The following INTS5 variants were observed in gnomAD, a reference collection of about 807,000 sequenced individuals.
The protein encoded by INTS5 is KIAA1698.
In INTS5, 29 loss-of-function variants were observed where a neutral mutation model predicts 60.0. The ratio of observed to expected loss-of-function variants is 0.48; its 90% CI spans 0.36 to 0.66. The LOEUF (loss-of-function observed/expected upper bound fraction) is 0.66, where lower values mean the gene tolerates loss of function less well. INTS5 is among the 30% of genes least tolerant of loss of function. The pLI is 0.00. For synonymous variants in INTS5, 588 were observed against 558.8 expected (o/e 1.05, Z -0.74); for missense variants, 1,129 against 1,307.9 (o/e 0.86, Z 2.11).
At chr11:62,651,675 T>C (rs374744532) in intron 1 of INTS5, among the ~76,000 whole-genome samples, 4 of 150,920 alleles carry the variant, frequency 2.7e-5, no homozygotes, top group East Asian at 2.0e-4. Flanking sequence ...CTGAGGAACA[T>C]AGTGAAACCC....
In INTS5 at chr11:62,648,608, A is replaced by G; in HGVS notation, c.1472T>C (p.Leu491Ser). The change falls in exon 2 of 2, where the codon TTG becomes TCG. Residue 491 changes from leucine (L) to serine (S), a missense_variant. Physicochemically the swap from Leu to Ser is moderately radical, Grantham distance 145 (BLOSUM62 -2). This residue lies in a region of INTS5 where 1,070 missense variants were observed against 1,246.1 expected (regional missense o/e 0.86). Coordinates refer to ENST00000330574, the MANE Select transcript of INTS5 (RefSeq NM_030628.2). The surrounding 1 kb of genome is among the most constrained non-coding windows in gnomAD (Gnocchi z 4.4). ...CTGCCAGAGGAAGCGCTTCCGTTCCAATCGTAACGTCTCTCCACACAGCTC... is the reference window on the plus strand; with the variant it reads ...CTGCCAGAGGAAGCGCTTCCGTTCCGATCGTAACGTCTCTCCACACAGCTC... ...VGELCGETLRLERKRFLWQHQ... is the reference protein window; with the variant it reads ...VGELCGETLRSERKRFLWQHQ... 6.2e-7 allele frequency: 1 copy of G among 1,614,092 alleles called. No individual in the cohort carries two copies. Among genetic ancestry groups the G allele is most frequent in the Non-Finnish European group, 8.5e-7 (1 of 1,180,002 alleles).
In INTS5 at chr11:62,647,066, C is replaced by T. The variant is rs1342714541; in HGVS notation, c.3014G>A (p.Arg1005His). The T allele has an allele frequency of 1.2e-6, 2 of 1,613,548 alleles. No homozygotes were observed. Among genetic ancestry groups the T allele is most frequent in the Non-Finnish European group, 1.7e-6 (2 of 1,179,704 alleles). Residue 1005 changes from arginine (R) to histidine (H), a missense_variant, in exon 2 of 2, where the codon CGT (arginine) becomes CAT (histidine). Coordinates refer to ENST00000330574, the MANE Select transcript of INTS5 (RefSeq NM_030628.2). ...AGTGGACGGTGAAGGTGCCTGGAAACGGCCAGAGAAAAGACCTAGGCGGTC... is the reference window on the plus strand; with the variant it reads ...AGTGGACGGTGAAGGTGCCTGGAAATGGCCAGAGAAAAGACCTAGGCGGTC... ...NIDRLGLFSG[R>H]FQAPSPSTLL...
At position 62,648,817 on chromosome 11, in the gene INTS5, G is replaced by A. The variant is rs774590977; in HGVS notation, c.1263C>T (p.Thr421=). The A allele has an allele frequency of 5.6e-6, 9 of 1,614,020 alleles. No homozygotes were observed. Among genetic ancestry groups the A allele is most frequent in the Non-Finnish European group, 6.8e-6 (8 of 1,180,046 alleles). ...TGTCTGGCACAGCCAGGCCCTGGGT[G>A]GTAATGACCGAAGCAGGCATAGCTG... ...VDTAMPASVI[T]TQGLAVPDTV... The change falls in exon 2 of 2, where the codon ACC becomes ACT. Residue 421 remains threonine (T), a synonymous_variant. Coordinates refer to ENST00000330574, the MANE Select transcript of INTS5 (RefSeq NM_030628.2). The surrounding 1 kb of genome is among the most constrained non-coding windows in gnomAD (Gnocchi z 4.4).
rs142525863 is a variant in INTS5 at position 62,647,467 on chromosome 11, C to T, written c.2613G>A (p.Leu871=). 2.2e-5 allele frequency: 35 copies of T among 1,605,386 alleles called. No individual in the cohort carries two copies. The African/African-American group carries it at 3.7e-4, about 17-fold the overall frequency. ...CCCGAAGCAGCACGGAACAGTAGCA[C>T]AGGGCTGGGGGTGCAGCTGCTACCA... ...LKLVAAAPPA[L]CYCSVLLRGL... The change falls in exon 2 of 2, where the codon CTG becomes CTA. Residue 871 remains leucine, a synonymous_variant. Coordinates refer to ENST00000330574, the MANE Select transcript of INTS5 (RefSeq NM_030628.2).
chr11:62,647,753 G>C lies in INTS5; in HGVS notation c.2327C>G (p.Thr776Ser). Residue 776 changes from threonine to serine, a missense_variant, in exon 2 of 2, where the codon ACC becomes AGC. Thr to Ser is a moderately conservative substitution (Grantham distance 58). Around this residue, in one of 3 missense-constraint regions of INTS5, gnomAD observed 1,070 missense variants for 1,246.1 expected, o/e 0.86. Coordinates refer to ENST00000330574, the MANE Select transcript of INTS5 (RefSeq NM_030628.2). ...AACCAGGAGGCTGAGGAGGCTCTGG[G>C]TGTTATAGATCACTTCCTGCTGATT... ...SRNQQEVIYN[T>S]QSLLSLLVHC... 1 of 1,614,214 alleles carries C rather than the reference G, an allele frequency of 6.2e-7. No individual in the cohort carries two copies. The highest frequency in any genetic ancestry group is 8.5e-7 in the Non-Finnish European group (1 of 1,180,046).
In INTS5 at chr11:62,649,884, A is replaced by G. The variant is rs908761370; in HGVS notation, c.196T>C (p.Leu66=). ...ARCGLLLLRS[L]PPARAAVLDH... Reference sequence around the variant, plus strand: ...AGCACAGCAGCCCGAGCAGGTGGCAAAGAACGGAGCAGGAGAAGACCACAG... The same window carrying G: ...AGCACAGCAGCCCGAGCAGGTGGCAGAGAACGGAGCAGGAGAAGACCACAG... The change falls in exon 2 of 2, where the codon TTG becomes CTG. Residue 66 remains leucine (L), a synonymous_variant. Coordinates refer to ENST00000330574, the MANE Select transcript of INTS5 (RefSeq NM_030628.2). This position sits in a 1 kb window ranked among gnomAD's most constrained non-coding sequence, Gnocchi z 6.0. The G allele has an allele frequency of 1.9e-6, 3 of 1,614,102 alleles. No homozygotes were observed. Among genetic ancestry groups the G allele is most frequent in the Non-Finnish European group, 2.5e-6 (3 of 1,180,038 alleles).
Position 62,649,840 on chromosome 11 carries a change from G to C in INTS5, c.240C>G (p.Val80=). The change falls in exon 2 of 2, where the codon GTC becomes GTG. Residue 80 remains valine (V), a synonymous_variant. Coordinates refer to ENST00000330574, the MANE Select transcript of INTS5 (RefSeq NM_030628.2). The surrounding 1 kb of genome is among the most constrained non-coding windows in gnomAD (Gnocchi z 6.0). The part of the protein sequence containing the change: ...RAAVLDHLRG[V]FDESVRAHLA... ...GGTGGGCCCGGACACTCTCATCAAA[G>C]ACACCTCTCAAGTGGTCAAGCACAG... The C allele has an allele frequency of 6.2e-7, 1 of 1,614,144 alleles. No homozygotes were observed. The highest frequency in any genetic ancestry group is 8.5e-7 in the Non-Finnish European group (1 of 1,179,994).
At position 62,647,579 on chromosome 11, in the gene INTS5, T is replaced by C; in HGVS notation, c.2501A>G (p.Glu834Gly). 2 of 1,613,896 alleles carry C rather than the reference T, an allele frequency of 1.2e-6. No individual in the cohort carries two copies. Among genetic ancestry groups the C allele is most frequent in the Non-Finnish European group, 1.7e-6 (2 of 1,180,008 alleles). Residue 834 changes from glutamate (E) to glycine (G), a missense_variant, in exon 2 of 2, where the codon GAG (glutamate) becomes GGG (glycine). Physicochemically the swap from Glu to Gly is moderately conservative, Grantham distance 98. Transcript: ENST00000330574. Reference sequence around the variant, plus strand: ...CTCCACGGTGGCCCGGGCGTGTTCCTCGGGGGGCCAGGCCAGCTCTGCACC... The same window carrying C: ...CTCCACGGTGGCCCGGGCGTGTTCCCCGGGGGGCCAGGCCAGCTCTGCACC... ...AAGAELAWPP[E>G]EHARATVERD...
intron 1 of INTS5, among the ~76,000 whole-genome samples, chr11:62,651,616 G>A (rs1384488073): frequency 1.3e-5 from 2 of 152,142 alleles, no homozygotes; most frequent in Admixed American, 6.5e-5. Flanking sequence ...CCAGCACTTT[G>A]GGAGGCCAAG....
In INTS5 at chr11:62,647,480, G is replaced by A. The variant is rs753123352; in HGVS notation, c.2600C>T (p.Ala867Val). ...LFELLKLVAAAPPALCYCSVL... is the reference protein window; with the variant it reads ...LFELLKLVAAVPPALCYCSVL... ...GGAACAGTAGCACAGGGCTGGGGGT[G>A]CAGCTGCTACCAGCTTTAACAGCTC... The change falls in exon 2 of 2, where the codon GCA becomes GTA. Residue 867 changes from alanine (A) to valine (V), a missense_variant. Coordinates refer to ENST00000330574, the MANE Select transcript of INTS5 (RefSeq NM_030628.2). 1.9e-6 allele frequency: 3 copies of A among 1,604,810 alleles called. No homozygotes were observed. In the African/African-American group the frequency reaches 4.0e-5, roughly 21 times the overall value.
Position 62,647,228 on chromosome 11 carries a change from C to G in INTS5, c.2852G>C (p.Arg951Pro). The G allele has an allele frequency of 6.2e-7, 1 of 1,614,242 alleles. No individual in the cohort carries two copies. The highest frequency in any genetic ancestry group is 8.5e-7 in the Non-Finnish European group (1 of 1,180,046). Residue 951 changes from arginine to proline, a missense_variant, in exon 2 of 2, where the codon CGG (arginine) becomes CCG (proline). Around this residue, in one of 3 missense-constraint regions of INTS5, gnomAD observed 1,070 missense variants for 1,246.1 expected, o/e 0.86. Coordinates refer to ENST00000330574, the MANE Select transcript of INTS5 (RefSeq NM_030628.2). ...CTTCTGAGGCAAGGGCCCATGCTCCCGGAGAAAACCCCAGACACTGAGCAG... is the reference window on the plus strand; with the variant it reads ...CTTCTGAGGCAAGGGCCCATGCTCCGGGAGAAAACCCCAGACACTGAGCAG... ...LLLLSVWGFL[R>P]EHGPLPQKFI...
In INTS5 at chr11:62,649,366, G is replaced by C. The variant is rs746664963; in HGVS notation, c.714C>G (p.Ile238Met). 3.1e-6 allele frequency: 5 copies of C among 1,614,054 alleles called. No homozygotes were observed. The highest frequency in any genetic ancestry group is 1.3e-5 in the African/African-American group (1 of 74,928). The change falls in exon 2 of 2, where the codon ATC (isoleucine) becomes ATG (methionine). Residue 238 changes from isoleucine (I) to methionine (M), a missense_variant. Ile to Met is a conservative substitution (Grantham distance 10, BLOSUM62 1). Around this residue, in one of 3 missense-constraint regions of INTS5, gnomAD observed 1,070 missense variants for 1,246.1 expected, o/e 0.86. Transcript: ENST00000330574. This position sits in a 1 kb window ranked among gnomAD's most constrained non-coding sequence, Gnocchi z 6.0. The stretch of plus-strand genomic sequence containing the variant: ...GGCCACAGGAGAGAACCCGGGAAAT[G>C]ATGGTGCCAGGAAAAGAGGAGCCAA... ...AHIGSSFPGT[I>M]ISRVLSCGLK...
intron 1 of INTS5, among the ~76,000 whole-genome samples, chr11:62,650,455 C>T (rs1182770924): frequency 6.6e-6 from 1 of 152,052 alleles, no homozygotes; most frequent in Admixed American, 6.6e-5. Flanking sequence ...CTTTGTCGCC[C>T]AGGCTGGAGT....
In INTS5 at chr11:62,648,539, C is replaced by T; in HGVS notation, c.1541G>A (p.Cys514Tyr). ...GLLSVYTRPS[C>Y]GPEALGHLLS... ...CAGATGGCCCAAGGCCTCAGGTCCA[C>T]AGCTAGGCCGGGTATAGACAGACAG... The change falls in exon 2 of 2, where the codon TGT (cysteine) becomes TAT (tyrosine). Residue 514 changes from cysteine (C) to tyrosine (Y), a missense_variant. By Grantham distance (194) the Cys-to-Tyr change is radical. This residue lies in a region of INTS5 where 1,070 missense variants were observed against 1,246.1 expected (regional missense o/e 0.86). Transcript: ENST00000330574. This position sits in a 1 kb window ranked among gnomAD's most constrained non-coding sequence, Gnocchi z 4.4. 6.2e-7 allele frequency: 1 copy of T among 1,614,172 alleles called. No individual in the cohort carries two copies. The highest frequency in any genetic ancestry group is 8.5e-7 in the Non-Finnish European group (1 of 1,180,056).
At chr11:62,652,453 G>C (rs140750715) in intron 1 of INTS5, among the ~76,000 whole-genome samples, 88 of 151,434 alleles carry the variant, frequency 5.8e-4, no homozygotes, top group Non-Finnish European at 1.1e-3. Flanking sequence ...CCTTATTAAG[G>C]GCTCTCCCTC....
Position 62,649,591 on chromosome 11 carries a change from G to A in INTS5, c.489C>T (p.His163=). ...GQLSSTYSGQ[H]QRVPHATGAL... is the part of the protein sequence containing the mutation. ...CGCCAGTAGCGTGGGGAACACGCTG[G>A]TGCTGGCCTGAGTACGTGCTGCTCA... Residue 163 remains histidine (H), a synonymous_variant, in exon 2 of 2, where the codon CAC becomes CAT. Coordinates refer to ENST00000330574, the MANE Select transcript of INTS5 (RefSeq NM_030628.2). This position sits in a 1 kb window ranked among gnomAD's most constrained non-coding sequence, Gnocchi z 6.0. 1.2e-6 allele frequency: 2 copies of A among 1,614,186 alleles called. No homozygotes were observed. Among genetic ancestry groups the A allele is most frequent in the South Asian group, 1.1e-5 (1 of 91,090 alleles).
In INTS5 at chr11:62,649,296, T is replaced by G. The variant is rs984397768; in HGVS notation, c.784A>C (p.Ser262Arg). 1.2e-6 allele frequency: 2 copies of G among 1,614,064 alleles called. No individual in the cohort carries two copies. Among genetic ancestry groups the G allele is most frequent in the Non-Finnish European group, 1.7e-6 (2 of 1,179,998 alleles). ...GTCTGAGAAGAGCTTCCACCACTACTGCCAGCTCCACCTCCAGCCCCACCA... is the reference window on the plus strand; with the variant it reads ...GTCTGAGAAGAGCTTCCACCACTACGGCCAGCTCCACCTCCAGCCCCACCA... ...VHGGAGGGAGSSGGSSSQTPS... is the reference protein window; with the variant it reads ...VHGGAGGGAGRSGGSSSQTPS... The change falls in exon 2 of 2, where the codon AGT becomes CGT. Residue 262 changes from serine to arginine, a missense_variant. Ser to Arg is a moderately radical substitution (Grantham distance 110). Coordinates refer to ENST00000330574, the MANE Select transcript of INTS5 (RefSeq NM_030628.2). This position sits in a 1 kb window ranked among gnomAD's most constrained non-coding sequence, Gnocchi z 6.0.
At chr11:62,652,057 C>A (rs986870835) in intron 1 of INTS5, among the ~76,000 whole-genome samples, 10 of 151,548 alleles carry the variant, frequency 6.6e-5, no homozygotes, top group Non-Finnish European at 1.3e-4. Flanking sequence ...AGGTGCCTCA[C>A]GTCTGTAATC....
Position 62,653,194 on chromosome 11 carries a change from G to C in INTS5, c.56C>G (p.Ala19Gly). 1 of 1,247,546 alleles carries C rather than the reference G, an allele frequency of 8.0e-7. No individual in the cohort carries two copies. The highest frequency in any genetic ancestry group is 1.0e-6 in the Non-Finnish European group (1 of 987,616). The allele number at this position is 1,247,546 out of a possible 1,614,324, so 77.3% of individuals were successfully genotyped here. A position where few individuals can be genotyped will look rare whatever the true frequency, so the allele number is the denominator to read the frequency against. Residue 19 changes from alanine to glycine, a missense_variant, in exon 1 of 2, where the codon GCC becomes GGC. Ala to Gly is a moderately conservative substitution (Grantham distance 60, BLOSUM62 0). This residue lies in a region of INTS5 where 54 missense variants were observed against 43.1 expected (regional missense o/e 1.25). Coordinates refer to ENST00000330574, the MANE Select transcript of INTS5 (RefSeq NM_030628.2). ...GAPGPPGPAP[A>G]THGPAPLSAQ... ...CCTGAGAGGCGCGGGACCGTGGGTG[G>C]CCGGGGCAGGCCCAGGTGGCCCTGG...
Sources: allele counts gnomAD v4.1 joint callset (sites outside exome capture counted in the v4.1 genomes callset), GRCh38; gene constraint gnomAD v4.1.1; regional missense constraint gnomAD v4.1.1; non-coding constraint Gnocchi (gnomAD v3.1); transcripts MANE v1.5; gene names NCBI Gene and HGNC (gene_info 2026-07-23, HGNC 2026-07-21).